The following CDH4 variants were observed in gnomAD, a reference collection of about 807,000 sequenced individuals.
CDH4 encodes the protein cadherin-4.
Under a neutral mutation model 86.0 loss-of-function variants are expected in CDH4, and 33 were observed. That is an observed-to-expected ratio of 0.38 (90% CI 0.29 to 0.51). The LOEUF is 0.51. CDH4 is among the 20% of genes least tolerant of loss of function. The pLI is 0.86. For synonymous variants in CDH4, 555 were observed against 549.4 expected, an observed-to-expected ratio of 1.01 and a Z score of -0.14; for missense variants, 1,114 against 1,307.4, an observed-to-expected ratio of 0.85 and a Z score of 2.28.
In CDH4 at chr20:61,691,281, G is replaced by A. The variant is rs551009007; in HGVS notation, c.170-52282G>A. Among the ~76,000 whole-genome samples the A allele has an allele frequency of 7.9e-5, 12 of 152,194 alleles. No individual in the cohort carries two copies. In the South Asian group the frequency reaches 1.7e-3, roughly 21 times the overall value. ...TGTGTGTGCAAGTGTGTGTATGTGC[G>A]TGTGCATATGTGTGTGTATGTATTT... On this transcript the variant is annotated intron_variant, in intron 2 of 15. Transcript: ENST00000614565.
At chr20:61,322,273 G>A (rs1413566590) in intron 2 of CDH4, among the ~76,000 whole-genome samples, 1 of 152,174 alleles carries the variant, frequency 6.6e-6, no homozygotes, top group African/African-American at 2.4e-5. Context: ...ATACACAGGA[G>A]AGGGGAGGCT....
chr20:61,697,809 G>A (rs1362286587), intron 2 of CDH4, among the ~76,000 whole-genome samples: 3 of 152,202 alleles, frequency 2.0e-5, no homozygotes, highest in Non-Finnish European at 2.9e-5. Flanking sequence ...GAGAAGTGCT[G>A]CTCCTGCTCC....
intron 2 of CDH4, among the ~76,000 whole-genome samples, chr20:61,701,908 G>T (rs1177022144): frequency 6.6e-6 from 1 of 152,220 alleles, no homozygotes; most frequent in Non-Finnish European, 1.5e-5. Flanking sequence ...TATCACAGAA[G>T]CATGGGTGTG....
Position 61,565,202 on chromosome 20 carries a change from GTCGCGGTGCTCTCGGTGGTAGGTGGT to G in CDH4, c.170-178360_170-178335del, listed in dbSNP as rs1299170874. ...GGTGGTGGTGGTCCTCTTGGTGGTGGTCGCGGTGCTCTCGGTGGTAGGTGGTGGTGGTGGTGGTGGCGGTGCTCTTG... is the reference window on the plus strand; with the variant it reads ...GGTGGTGGTGGTCCTCTTGGTGGTGGGGTGGTGGTGGTGGCGGTGCTCTTG... On this transcript the variant is annotated intron_variant, in intron 2 of 15. Transcript: ENST00000614565. Among the ~76,000 whole-genome samples the G allele has an allele frequency of 1.1e-3, 48 of 42,244 alleles. 6 individuals carry two copies. Among genetic ancestry groups the G allele is most frequent in the African/African-American group, 2.7e-3 (23 of 8,614 alleles). 27.7% of individuals were successfully genotyped at this position (42,244 alleles called of 152,430 possible). A position where few individuals can be genotyped will look rare whatever the true frequency, so the allele number is the denominator to read the frequency against.
chr20:61,736,985 G>A (rs1239428046), intron 2 of CDH4, among the ~76,000 whole-genome samples: 1 of 152,222 alleles, frequency 6.6e-6, no homozygotes, highest in African/African-American at 2.4e-5. Context: ...ACAGCTGCCA[G>A]GAGAAGGTCG....
chr20:61,664,502 A>G (rs1417268900), intron 2 of CDH4, among the ~76,000 whole-genome samples: 1 of 152,244 alleles, frequency 6.6e-6, no homozygotes, highest in African/African-American at 2.4e-5. Flanking sequence ...AGCAGCCTGC[A>G]TCAGCCGGGC....
chr20:61,391,862 C>G lies in CDH4; in HGVS notation c.169+136925C>G, dbSNP rs370466139. 2.1e-4 allele frequency among the ~76,000 whole-genome samples: 32 copies of G among 152,234 alleles called. 1 individual carries two copies. The South Asian group carries it at 5.6e-3, about 27-fold the overall frequency. ...AGGCAAGCCCTTGGGTACACTGAGA[C>G]GCTAGGAGGGACAGCAGCTCCGGGG... On this transcript the variant is annotated intron_variant, in intron 2 of 15. Coordinates refer to ENST00000614565, the MANE Select transcript of CDH4 (RefSeq NM_001794.5).
In CDH4 at chr20:61,652,847, G is replaced by T. The variant is rs1270011375; in HGVS notation, c.170-90716G>T. 5.1e-5 allele frequency among the ~76,000 whole-genome samples: 3 copies of T among 59,234 alleles called. 1 individual carries two copies. The highest frequency in any genetic ancestry group is 1.7e-4 in the African/African-American group (3 of 17,252). 38.9% of individuals were successfully genotyped at this position (59,234 alleles called of 152,430 possible). ...TCCCATAATGCCAAAGAAAAATCAA[G>T]AATTTTTTTTTGGGGGGGGGATAAA... On this transcript the variant is annotated intron_variant, in intron 2 of 15. Transcript: ENST00000614565.
At chr20:61,347,671 G>A (rs759502109) in intron 2 of CDH4, among the ~76,000 whole-genome samples, 3 of 152,186 alleles carry the variant, frequency 2.0e-5, no homozygotes, top group South Asian at 2.1e-4. Flanking sequence ...CAGCTTAGTC[G>A]GGAGATGTAT....
intron 2 of CDH4, among the ~76,000 whole-genome samples, chr20:61,495,054 C>T (rs1478280276): frequency 6.6e-6 from 1 of 152,210 alleles, no homozygotes; most frequent in African/African-American, 2.4e-5. Context: ...GTTCAGGGGC[C>T]CATGGCAGGG....
intron 2 of CDH4, among the ~76,000 whole-genome samples, chr20:61,490,311 G>A (rs1482306684): frequency 6.6e-6 from 1 of 152,218 alleles, no homozygotes; most frequent in Non-Finnish European, 1.5e-5. Context: ...ACATGGCTGA[G>A]CCTTGAAAAC....
intron 2 of CDH4, among the ~76,000 whole-genome samples, chr20:61,265,918 C>T (rs749165150): frequency 7.2e-5 from 11 of 152,200 alleles, no homozygotes; most frequent in South Asian, 2.1e-4. Context: ...GGGCAGTGTC[C>T]CTTGTGGGTC....
intron 2 of CDH4, among the ~76,000 whole-genome samples, chr20:61,312,996 C>T (rs2084455880): frequency 6.6e-6 from 1 of 152,162 alleles, no homozygotes; most frequent in African/African-American, 2.4e-5. Context: ...GGGTCTCACT[C>T]CTGTGGGGTT....
intron 2 of CDH4, among the ~76,000 whole-genome samples, chr20:61,397,991 A>G (rs1346574035): frequency 6.6e-6 from 1 of 152,214 alleles, no homozygotes; most frequent in Non-Finnish European, 1.5e-5. Context: ...GGCTGACCGC[A>G]TGCCGAGCTG....
intron 4 of CDH4, among the ~76,000 whole-genome samples, chr20:61,800,878 G>C (rs889554555): frequency 9.2e-5 from 14 of 152,240 alleles, no homozygotes. Context: ...GAGCCCACCA[G>C]TGAGAATGGC....
rs1036587905 is a variant in CDH4, at chr20:61,937,012, G to C, written c.*69G>C. 35 of 1,377,480 alleles carry C rather than the reference G, an allele frequency of 2.5e-5. No homozygotes were observed. Among genetic ancestry groups the C allele is most frequent in the Non-Finnish European group, 3.3e-5 (34 of 1,022,216 alleles). 85.3% of individuals were successfully genotyped at this position (1,377,480 alleles called of 1,614,324 possible). ...GCCGGAGGAGCAGGACTGAGCAGAG[G>C]CGGCCGGTCTTCCCGACTCCCTGCG... On this transcript the variant is annotated 3_prime_UTR_variant, in exon 16 of 16. Coordinates refer to ENST00000614565, the MANE Select transcript of CDH4 (RefSeq NM_001794.5).
chr20:61,893,194 A>G (rs111477912), intron 7 of CDH4, among the ~76,000 whole-genome samples: 19 of 15,798 alleles, frequency 1.2e-3, no homozygotes, highest in South Asian at 4.4e-3. Context: ...TGGATAAATG[A>G]ATGGGTGGCT....
intron 2 of CDH4, among the ~76,000 whole-genome samples, chr20:61,555,555 C>A (rs2086171253): frequency 6.6e-6 from 1 of 152,310 alleles, no homozygotes; most frequent in Non-Finnish European, 1.5e-5. Flanking sequence ...GAGAAGCAGT[C>A]CCTTTCTGTC....
At position 61,798,657 on chromosome 20, in the gene CDH4, C is replaced by T. The variant is rs368281340; in HGVS notation, c.576+25475C>T. Among the ~76,000 whole-genome samples the T allele has an allele frequency of 1.1e-4, 17 of 152,344 alleles. No homozygotes were observed. The East Asian group carries it at 2.3e-3, about 21-fold the overall frequency. ...TGACCAGTACTCATGGACACCAGCA[C>T]GCTGGGCAGAGGCTCTGAGTAACTT... On this transcript the variant is annotated intron_variant, in intron 4 of 15. Coordinates refer to ENST00000614565, the MANE Select transcript of CDH4 (RefSeq NM_001794.5).
Sources: allele counts gnomAD v4.1 joint callset (sites outside exome capture counted in the v4.1 genomes callset), GRCh38; gene constraint gnomAD v4.1.1; transcripts MANE v1.5; gene names NCBI Gene and HGNC (gene_info 2026-07-23, HGNC 2026-07-21).